Variants in CDH12 observed in about 807,000 individuals in gnomAD.
The protein encoded by CDH12 is cadherin-12.
Under a neutral mutation model 74.1 loss-of-function variants are expected in CDH12, and 41 were observed. That is an observed-to-expected ratio of 0.55 (90% confidence interval 0.43 to 0.72). The LOEUF is 0.72. Ranked by LOEUF, CDH12 falls within the 30% of genes least tolerant of loss-of-function variation. The pLI is 0.00. For synonymous variants in CDH12, 399 were observed against 355.0 expected (o/e 1.12, Z -1.39); for missense variants, 945 against 977.2 (o/e 0.97, Z 0.44).
chr5:22,638,692 A>C (rs1305512988), intron 1 of CDH12: 1 of 152,152 alleles, frequency 6.6e-6, no homozygotes, highest in Non-Finnish European at 1.5e-5. Context: ...AAATAAAATA[A>C]CATACCTTGA....
At chr5:22,634,075 G>A (rs1038784519) in intron 1 of CDH12, among the ~76,000 whole-genome samples, 17 of 151,908 alleles carry the variant, frequency 1.1e-4, no homozygotes, top group African/African-American at 2.9e-4. Context: ...GTGATAATCC[G>A]TAGGCAAACC....
chr5:22,355,514 T>TAAAA lies in CDH12; in HGVS notation c.-333+49739_-333+49742dup, dbSNP rs34776687. Reference sequence around the variant, plus strand: ...AAGGAGAGAGATATATATATTTCCTTAAAAAAAAAATATATATATATATAT... The same window carrying TAAAA: ...AAGGAGAGAGATATATATATTTCCTTAAAAAAAAAAAAAATATATATATATATAT... On this transcript the variant is annotated intron_variant, in intron 3 of 14. Transcript: ENST00000382254. Among the ~76,000 whole-genome samples the TAAAA allele has an allele frequency of 1.7e-3, 238 of 139,062 alleles. 2 individuals are homozygous for TAAAA. The highest frequency in any genetic ancestry group is 6.4e-3 in the African/African-American group (234 of 36,416). 91.2% of individuals were successfully genotyped at this position (139,062 alleles called of 152,430 possible).
At chr5:22,759,661 T>A (rs1561011039) in intron 1 of CDH12, among the ~76,000 whole-genome samples, 1 of 152,230 alleles carries the variant, frequency 6.6e-6, no homozygotes, top group Non-Finnish European at 1.5e-5. Flanking sequence ...TGAAACCCTA[T>A]AAATATCGGT....
At chr5:22,370,572 A>G (rs1475509188) in intron 3 of CDH12, among the ~76,000 whole-genome samples, 1 of 152,200 alleles carries the variant, frequency 6.6e-6, no homozygotes, top group African/African-American at 2.4e-5. Context: ...TTTTGCTAAC[A>G]TCTTTGAGTA....
At chr5:22,687,215 A>C (rs1162078139) in intron 1 of CDH12, among the ~76,000 whole-genome samples, 1 of 152,054 alleles carries the variant, frequency 6.6e-6, no homozygotes, top group African/African-American at 2.4e-5. Context: ...AATCGTTTGA[A>C]CCAGGGAGTC....
chr5:22,732,615 A>C (rs140302679), intron 1 of CDH12, among the ~76,000 whole-genome samples: 2 of 151,846 alleles, frequency 1.3e-5, no homozygotes, highest in Non-Finnish European at 2.9e-5. Flanking sequence ...TCCAATGTGA[A>C]CAGTGTCCTC....
rs192332945 is a variant in CDH12, at chr5:22,418,234, T to C, written c.-427-12883A>G. Among the ~76,000 whole-genome samples the C allele has an allele frequency of 6.1e-3, 921 of 150,960 alleles. 32 individuals are homozygous for C. In the East Asian group the frequency reaches 0.095, roughly 16 times the overall value. On this transcript the variant is annotated intron_variant, in intron 2 of 14. Coordinates refer to ENST00000382254, the MANE Select transcript of CDH12 (RefSeq NM_004061.5). The stretch of plus-strand genomic sequence containing the variant: ...TTGTGAATGGGAGTTCACTCACGAT[T>C]TGGCTCTTTGTTTGTCTATTATTGG...
At chr5:21,979,871 C>T (rs1757232158) in intron 5 of CDH12, among the ~76,000 whole-genome samples, 3 of 151,684 alleles carry the variant, frequency 2.0e-5, no homozygotes, top group African/African-American at 7.3e-5. Flanking sequence ...CACTGACTTC[C>T]ACAATGGTTG....
At chr5:22,822,492 G>C (rs971492323) in intron 1 of CDH12, among the ~76,000 whole-genome samples, 3 of 151,962 alleles carry the variant, frequency 2.0e-5, no homozygotes, top group African/African-American at 7.3e-5. Flanking sequence ...ATCTGACAAA[G>C]GGCTAATATC....
At chr5:22,165,153 CT>C (rs1748609642) in intron 4 of CDH12, among the ~76,000 whole-genome samples, 1 of 152,088 alleles carries the variant, frequency 6.6e-6, no homozygotes, top group Non-Finnish European at 1.5e-5. Context: ...CATGTCATTC[CT>C]TTGCTCATCA....
intron 1 of CDH12, among the ~76,000 whole-genome samples, chr5:22,619,235 CG>C (rs1737849700): frequency 6.6e-6 from 1 of 151,938 alleles, no homozygotes; most frequent in Non-Finnish European, 1.5e-5. Context: ...GAACAAAGGT[CG>C]TGTATTTTAC....
chr5:22,524,005 A>C (rs976744060), intron 1 of CDH12, among the ~76,000 whole-genome samples: 4 of 148,510 alleles, frequency 2.7e-5, no homozygotes, highest in Admixed American at 1.3e-4. Context: ...TTTTTGAGAC[A>C]AGGTTTCACT....
At chr5:22,664,899 TC>T (rs1580865838) in intron 1 of CDH12, among the ~76,000 whole-genome samples, 1 of 152,222 alleles carries the variant, frequency 6.6e-6, no homozygotes, top group Admixed American at 6.5e-5. Flanking sequence ...GCAAAATGTC[TC>T]TGCTACATTG....
intron 1 of CDH12, among the ~76,000 whole-genome samples, chr5:22,786,911 G>A (rs1343996613): frequency 6.6e-6 from 1 of 151,826 alleles, no homozygotes; most frequent in East Asian, 1.9e-4. Context: ...ATAGAAACGG[G>A]GTTTCACCAT....
chr5:22,682,528 T>G (rs1174271620), intron 1 of CDH12, among the ~76,000 whole-genome samples: 1 of 152,054 alleles, frequency 6.6e-6, no homozygotes, highest in Non-Finnish European at 1.5e-5. Flanking sequence ...TAAGTGTATA[T>G]TACAGGCTTC....
intron 2 of CDH12, among the ~76,000 whole-genome samples, chr5:22,482,944 T>C (rs1351254390): frequency 1.3e-5 from 2 of 152,180 alleles, no homozygotes; most frequent in East Asian, 3.9e-4. Context: ...CCTCTGACAA[T>C]GCAATGCTTC....
intron 3 of CDH12, among the ~76,000 whole-genome samples, chr5:22,256,903 G>T (rs1753338221): frequency 6.6e-6 from 1 of 152,032 alleles, no homozygotes; most frequent in South Asian, 2.1e-4. Context: ...GTTCACAATA[G>T]CAAAGACATG....
At chr5:22,808,790 G>A (rs1170843210) in intron 1 of CDH12, among the ~76,000 whole-genome samples, 7 of 71,900 alleles carry the variant, frequency 9.7e-5, no homozygotes, top group Non-Finnish European at 1.7e-4. Context: ...TTTTTTTTTA[G>A]TAGAGGTGGG....
chr5:21,783,566 G>A (rs1746036830), intron 10 of CDH12, 72 bp from the exon 11 acceptor site: 1 of 1,130,444 alleles, frequency 8.8e-7, no homozygotes, highest in Non-Finnish European at 1.3e-6. Context: ...AGGCTAACTT[G>A]ACACAGTTCC....
Sources: allele counts gnomAD v4.1 joint callset (sites outside exome capture counted in the v4.1 genomes callset), GRCh38; gene constraint gnomAD v4.1.1; transcripts MANE v1.5; gene names NCBI Gene and HGNC (gene_info 2026-07-23, HGNC 2026-07-21).